The following CTNNA3 variants were observed in gnomAD, a reference collection of about 807,000 sequenced individuals.
CTNNA3 encodes catenin alpha 3.
A neutral mutation model predicts 95.7 loss-of-function variants in CTNNA3; 76 were observed. That is an observed-to-expected ratio of 0.79 (90% CI 0.66 to 0.96). The LOEUF (loss-of-function observed/expected upper bound fraction) is 0.96, where lower values mean the gene tolerates loss of function less well. Among genes scored for constraint, CTNNA3 ranks in the 40% least tolerant of loss-of-function variants. The probability of loss-of-function intolerance (pLI) is 0.00; values close to 1 mark genes in which losing one functional copy is unlikely to be tolerated. For missense variants in CTNNA3, 1,191 were observed against 1,089.8 expected (o/e 1.09, Z -1.31); for synonymous variants, 431 against 374.4 (o/e 1.15, Z -1.74).
At chr10:67,315,342 T>G (rs1024544153) in intron 5 of CTNNA3, among the ~76,000 whole-genome samples, 8 of 152,170 alleles carry the variant, frequency 5.3e-5, no homozygotes, top group African/African-American at 1.9e-4. Flanking sequence ...GATTGACAAC[T>G]TAGCAGATAT....
At chr10:66,963,675 T>C (rs1407821510) in intron 7 of CTNNA3, among the ~76,000 whole-genome samples, 1 of 151,936 alleles carries the variant, frequency 6.6e-6, no homozygotes, top group Non-Finnish European at 1.5e-5. Context: ...AGAGGGCATG[T>C]CGAAAACAGG....
rs578194881 is a variant in CTNNA3 at position 67,350,420 on chromosome 10, C to T, written c.580-130550G>A. The stretch of plus-strand genomic sequence containing the variant: ...TAATTAGTAAAAGTTCAGTCCTAAT[C>T]CACAATAATATTTATACTTTCTCAT... On this transcript the variant is annotated intron_variant, in intron 5 of 17. Coordinates refer to ENST00000433211, the MANE Select transcript of CTNNA3 (RefSeq NM_013266.4). 5.3e-5 allele frequency among the ~76,000 whole-genome samples: 8 copies of T among 152,042 alleles called. No individual in the cohort carries two copies. The South Asian group carries it at 1.7e-3, about 32-fold the overall frequency.
intron 3 of CTNNA3, among the ~76,000 whole-genome samples, chr10:67,577,553 G>A (rs1842205826): frequency 1.3e-5 from 2 of 151,920 alleles, no homozygotes; most frequent in Non-Finnish European, 2.9e-5. Context: ...TGTCAATTTT[G>A]GCTTTTGTTG....
At chr10:67,293,692 G>T (rs1271762565) in intron 5 of CTNNA3, among the ~76,000 whole-genome samples, 1 of 114,962 alleles carries the variant, frequency 8.7e-6, no homozygotes, top group East Asian at 2.5e-4. Flanking sequence ...ACAGGCCCCA[G>T]TGTGTGATGT....
At chr10:67,313,320 T>C (rs1365508728) in intron 5 of CTNNA3, among the ~76,000 whole-genome samples, 1 of 151,858 alleles carries the variant, frequency 6.6e-6, no homozygotes, top group Non-Finnish European at 1.5e-5. Context: ...TAGTCCCAGC[T>C]ACTCAGGAGG....
At chr10:67,413,048 G>C (rs1209705692) in intron 5 of CTNNA3, among the ~76,000 whole-genome samples, 1 of 152,062 alleles carries the variant, frequency 6.6e-6, no homozygotes, top group African/African-American at 2.4e-5. Context: ...ACACAGAGTG[G>C]CAGGCTGGAT....
intron 5 of CTNNA3, among the ~76,000 whole-genome samples, chr10:67,356,406 T>C (rs1842811273): frequency 1.3e-5 from 2 of 152,138 alleles, no homozygotes; most frequent in Admixed American, 1.3e-4. Flanking sequence ...TACTACTGGC[T>C]GCAGTTAACT....
At chr10:66,139,141 C>A (rs766174553) in intron 13 of CTNNA3, among the ~76,000 whole-genome samples, 2 of 152,102 alleles carry the variant, frequency 1.3e-5, no homozygotes, top group African/African-American at 2.4e-5. Context: ...CCTAAGATTC[C>A]TCTTAGATTT....
At chr10:66,873,008 G>A (rs1254245270) in intron 7 of CTNNA3, among the ~76,000 whole-genome samples, 1 of 152,122 alleles carries the variant, frequency 6.6e-6, no homozygotes, top group Non-Finnish European at 1.5e-5. Context: ...CATCCGTAAT[G>A]CTGCAAAGGG....
chr10:67,018,687 C>T (rs972910750), intron 7 of CTNNA3, among the ~76,000 whole-genome samples: 5 of 152,206 alleles, frequency 3.3e-5, no homozygotes, highest in African/African-American at 1.2e-4. Flanking sequence ...GCCACTTAAC[C>T]TCTCTGTGCC....
At chr10:66,039,627 A>G (rs1207797412) in intron 15 of CTNNA3, among the ~76,000 whole-genome samples, 2 of 152,180 alleles carry the variant, frequency 1.3e-5, no homozygotes, top group Admixed American at 1.3e-4. Flanking sequence ...CAGGCAGTGC[A>G]GAAAGGACTC....
intron 5 of CTNNA3, among the ~76,000 whole-genome samples, chr10:67,318,784 T>C (rs1841177319): frequency 6.6e-6 from 1 of 152,260 alleles, no homozygotes; most frequent in Non-Finnish European, 1.5e-5. Context: ...CAGACCACGT[T>C]GCTTTCCAGC....
intron 7 of CTNNA3, among the ~76,000 whole-genome samples, chr10:67,073,259 C>T (rs1856562114): frequency 6.6e-6 from 1 of 152,188 alleles, no homozygotes; most frequent in South Asian, 2.1e-4. Context: ...ATTTTAATAG[C>T]TCTGATTAGT....
intron 7 of CTNNA3, among the ~76,000 whole-genome samples, chr10:66,885,944 T>C (rs1393350795): frequency 6.6e-6 from 1 of 152,162 alleles, no homozygotes; most frequent in African/African-American, 2.4e-5. Flanking sequence ...TTTCTTCATT[T>C]GATAATTATT....
At chr10:66,083,060 T>G (rs537674646) in intron 14 of CTNNA3, among the ~76,000 whole-genome samples, 1 of 152,180 alleles carries the variant, frequency 6.6e-6, no homozygotes, top group South Asian at 2.1e-4. Context: ...GCTAGAGATC[T>G]TCTTAGTGAG....
intron 4 of CTNNA3, among the ~76,000 whole-genome samples, chr10:67,538,549 C>T (rs916357420): frequency 1.3e-5 from 2 of 148,928 alleles, no homozygotes; most frequent in Non-Finnish European, 3.0e-5. Flanking sequence ...CACTGCACTC[C>T]AACCCAGGCG....
chr10:67,581,221 G>T (rs1842382980), intron 3 of CTNNA3, among the ~76,000 whole-genome samples: 1 of 152,116 alleles, frequency 6.6e-6, no homozygotes, highest in Non-Finnish European at 1.5e-5. Flanking sequence ...TTATTATTTT[G>T]AGATATGTCC....
At chr10:66,685,663 C>T (rs1451321557) in intron 9 of CTNNA3, among the ~76,000 whole-genome samples, 16 of 151,572 alleles carry the variant, frequency 1.1e-4, no homozygotes, top group East Asian at 3.9e-4. Flanking sequence ...TGAGACACCG[C>T]ACCAGGCCAA....
At chr10:66,728,762 A>G (rs1440459678) in intron 9 of CTNNA3, among the ~76,000 whole-genome samples, 2 of 151,898 alleles carry the variant, frequency 1.3e-5, no homozygotes, top group African/African-American at 4.8e-5. Context: ...TAATTTTTGT[A>G]TTTTTAGTAG....
Sources: allele counts gnomAD v4.1 joint callset (sites outside exome capture counted in the v4.1 genomes callset), GRCh38; gene constraint gnomAD v4.1.1; transcripts MANE v1.5; gene names NCBI Gene and HGNC (gene_info 2026-07-23, HGNC 2026-07-21).